DLGAP2: variants seen among roughly 807,000 people sequenced by gnomAD.
DLGAP2 encodes the protein disks large-associated protein 2.
In DLGAP2, 26 loss-of-function variants were observed where a neutral mutation model predicts 100.3. The observed-to-expected ratio is 0.26, with a 90% confidence interval of 0.19 to 0.36. DLGAP2 has a LOEUF of 0.36. Among genes scored for constraint, DLGAP2 ranks in the 10% least tolerant of loss-of-function variants. The probability of loss-of-function intolerance (pLI) is 1.00; values close to 1 mark genes in which losing one functional copy is unlikely to be tolerated. For missense variants in DLGAP2, 1,858 were observed against 1,453.2 expected (o/e 1.28, Z -4.53); for synonymous variants, 886 against 630.1 (o/e 1.41, Z -6.08).
intron 3 of DLGAP2, among the ~76,000 whole-genome samples, chr8:1,416,453 A>G (rs1796886151): frequency 6.6e-6 from 1 of 152,220 alleles, no homozygotes; most frequent in Non-Finnish European, 1.5e-5. Flanking sequence ...GATCCTCAGA[A>G]CAGTCCATCA....
Position 960,237 on chromosome 8 carries a change from C to CTTTTTTTTTTTT in DLGAP2, c.73+52275_73+52286dup, listed in dbSNP as rs71528625. On this transcript the variant is annotated intron_variant, in intron 2 of 14. Coordinates refer to ENST00000637795, the MANE Select transcript of DLGAP2 (RefSeq NM_001346810.2). ...TTGGGCAATTATTCCTGAAGTATAT[C>CTTTTTTTTTTTT]TTTTTTTTTTTTTTTCCCGAGACAC... Among the ~76,000 whole-genome samples, 299 of 44,638 alleles carry CTTTTTTTTTTTT rather than the reference C, an allele frequency of 6.7e-3. 71 individuals are homozygous for CTTTTTTTTTTTT. The highest frequency in any genetic ancestry group is 0.024 in the African/African-American group (270 of 11,356). 29.3% of individuals were successfully genotyped at this position (44,638 alleles called of 152,430 possible).
intron 3 of DLGAP2, among the ~76,000 whole-genome samples, chr8:1,322,638 T>C (rs1191981678): frequency 6.6e-6 from 1 of 152,090 alleles, no homozygotes; most frequent in Non-Finnish European, 1.5e-5. Context: ...ATTTCACGTG[T>C]ATTGTTCCAT....
chr8:814,850 C>CAAAAAAAAAAAAAAAAAAAAAAAAAA (rs34412684), intron 1 of DLGAP2, among the ~76,000 whole-genome samples: 1 of 61,868 alleles, frequency 1.6e-5, no homozygotes, highest in Non-Finnish European at 2.9e-5. Flanking sequence ...GACTCCGTCT[C>CAAAAAAAAAAAAAAAAAAAAAAAAAA]AAAAAAAAAA....
intron 1 of DLGAP2, among the ~76,000 whole-genome samples, chr8:842,270 A>AT (rs771529906): frequency 9.2e-5 from 14 of 152,174 alleles, no homozygotes; most frequent in Non-Finnish European, 1.3e-4. Flanking sequence ...TCCTTGAGCG[A>AT]TTGTACGTTG....
At chr8:1,077,472 T>A (rs1803659250) in intron 2 of DLGAP2, among the ~76,000 whole-genome samples, 1 of 152,208 alleles carries the variant, frequency 6.6e-6, no homozygotes, top group South Asian at 2.1e-4. Flanking sequence ...CTATTCTTGC[T>A]GCCACTGAGA....
chr8:1,690,999 C>G (rs539276219), intron 12 of DLGAP2, among the ~76,000 whole-genome samples: 4 of 152,166 alleles, frequency 2.6e-5, no homozygotes, highest in Non-Finnish European at 5.9e-5. Flanking sequence ...CCTCTTCCTA[C>G]GTAACACACA....
At chr8:1,106,128 T>A (rs1418547061) in intron 2 of DLGAP2, among the ~76,000 whole-genome samples, 1 of 115,268 alleles carries the variant, frequency 8.7e-6, no homozygotes, top group East Asian at 2.6e-4. Flanking sequence ...GAGGGTTTTC[T>A]ATTGAGGGGA....
At chr8:1,510,132 G>A (rs188932955) in intron 4 of DLGAP2, among the ~76,000 whole-genome samples, 3 of 152,216 alleles carry the variant, frequency 2.0e-5, no homozygotes, top group Non-Finnish European at 2.9e-5. Context: ...TTACAAGCAC[G>A]CTCCCGTGCA....
chr8:1,284,182 G>A (rs748917022), intron 3 of DLGAP2, among the ~76,000 whole-genome samples: 2 of 152,212 alleles, frequency 1.3e-5, no homozygotes, highest in African/African-American at 2.4e-5. Context: ...GCAATTTCCA[G>A]AACAAAGGGC....
intron 12 of DLGAP2, among the ~76,000 whole-genome samples, chr8:1,680,084 C>A (rs1798909611): frequency 6.6e-6 from 1 of 151,700 alleles, no homozygotes; most frequent in African/African-American, 2.4e-5. Context: ...GTTTATAGAC[C>A]AATTACATAA....
Position 1,593,641 on chromosome 8 carries a change from C to A in DLGAP2, c.1442+27747C>A, listed in dbSNP as rs77403501. ...AGACCCCCTGGCTTCTACCTTCTCC[C>A]AGGGGAGGGAAGGATCAGTTAGCAC... On this transcript the variant is annotated intron_variant, in intron 6 of 14. Transcript: ENST00000637795. 2.4e-3 allele frequency among the ~76,000 whole-genome samples: 368 copies of A among 152,188 alleles called. 13 individuals are homozygous for A. The East Asian group carries it at 0.064, about 26-fold the overall frequency.
At chr8:1,259,554 T>TC (rs1271806267) in intron 3 of DLGAP2, 1 of 152,230 alleles carries the variant, frequency 6.6e-6, no homozygotes, top group African/African-American at 2.4e-5. Context: ...AGGTCTGCTT[T>TC]CAGCAGCAAG....
At chr8:1,407,191 T>C (rs373373753) in intron 3 of DLGAP2, among the ~76,000 whole-genome samples, 3 of 40,402 alleles carry the variant, frequency 7.4e-5, no homozygotes, top group Non-Finnish European at 1.3e-4. Context: ...GCTCCCTCCT[T>C]GTCCTCCGGA....
intron 1 of DLGAP2, among the ~76,000 whole-genome samples, chr8:763,430 C>T (rs551100287): frequency 1.3e-5 from 2 of 152,316 alleles, no homozygotes; most frequent in Admixed American, 1.3e-4. Context: ...CTGCCGTGCT[C>T]TTCTGCTGTT....
intron 12 of DLGAP2, among the ~76,000 whole-genome samples, chr8:1,685,292 A>G (rs1799085751): frequency 6.6e-6 from 1 of 152,250 alleles, no homozygotes; most frequent in African/African-American, 2.4e-5. Flanking sequence ...GCCTGTGTCC[A>G]TGGTTGGCCC....
intron 3 of DLGAP2, among the ~76,000 whole-genome samples, chr8:1,290,621 G>T (rs1800036534): frequency 6.6e-6 from 1 of 152,220 alleles, no homozygotes; most frequent in Non-Finnish European, 1.5e-5. Flanking sequence ...AGACCAGAAA[G>T]GCAGAGGCCT....
intron 2 of DLGAP2, among the ~76,000 whole-genome samples, chr8:1,024,941 A>ACTCTGTTGTCCGTCTCTGTGTT (rs1801748357): frequency 6.6e-6 from 1 of 152,088 alleles, no homozygotes; most frequent in African/African-American, 2.4e-5. Context: ...TGACGGACAG[A>ACTCTGTTGTCCGTCTCTGTGTT]GGTGTTGGTG....
intron 3 of DLGAP2, among the ~76,000 whole-genome samples, chr8:1,407,720 G>T (rs1796608423): frequency 7.9e-6 from 1 of 126,174 alleles, no homozygotes; most frequent in Non-Finnish European, 1.7e-5. Flanking sequence ...CGTGTATTGA[G>T]TGCTTACTGA....
intron 2 of DLGAP2, among the ~76,000 whole-genome samples, chr8:1,020,925 T>G (rs1405948314): frequency 6.6e-6 from 1 of 152,234 alleles, no homozygotes; most frequent in Non-Finnish European, 1.5e-5. Context: ...AATGCTCATC[T>G]AGGTCTTAAG....
Sources: allele counts gnomAD v4.1 joint callset (sites outside exome capture counted in the v4.1 genomes callset), GRCh38; gene constraint gnomAD v4.1.1; transcripts MANE v1.5; gene names NCBI Gene and HGNC (gene_info 2026-07-23, HGNC 2026-07-21).